The following TLR4 variants were observed in gnomAD, a reference collection of about 807,000 sequenced individuals.
TLR4 encodes toll-like receptor 4.
A neutral mutation model predicts 27.4 loss-of-function variants in TLR4; 17 were observed. The ratio of observed to expected loss-of-function variants is 0.62; its 90% CI spans 0.42 to 0.93. The LOEUF (loss-of-function observed/expected upper bound fraction) is 0.93. TLR4 is among the 40% of genes least tolerant of loss of function. The pLI, the probability that TLR4 is intolerant of heterozygous loss-of-function variation, is 0.00. For missense variants in TLR4, 926 were observed against 962.3 expected (o/e 0.96, Z 0.50); for synonymous variants, 363 against 365.7 (o/e 0.99, Z 0.08).
At position 117,712,551 on chromosome 9, in the gene TLR4, A is replaced by G; in HGVS notation, c.423A>G (p.Leu141=). The G allele has an allele frequency of 6.2e-7, 1 of 1,614,022 alleles. No individual in the cohort carries two copies. Among genetic ancestry groups the G allele is most frequent in the Non-Finnish European group, 8.5e-7 (1 of 1,179,946 alleles). Residue 141 remains leucine (L), a synonymous_variant, in exon 3 of 3, where the codon CTA becomes CTG. Coordinates refer to ENST00000355622, the MANE Select transcript of TLR4 (RefSeq NM_138554.5). The part of the protein sequence containing the change: ...LVAVETNLAS[L]ENFPIGHLKT... ...CTGTGGAGACAAATCTAGCATCTCT[A>G]GAGAACTTCCCCATTGGACATCTCA...
intron 1 of TLR4, among the ~76,000 whole-genome samples, chr9:117,705,406 T>A (rs915805577): frequency 1.3e-5 from 2 of 152,206 alleles, no homozygotes; most frequent in Admixed American, 1.3e-4. Context: ...AAGTAATATT[T>A]AGCAAAGACT....
Position 117,714,630 on chromosome 9 carries a change from G to A in TLR4, c.2502G>A (p.Gln834=), listed in dbSNP as rs1418645577. The change falls in exon 3 of 3, where the codon CAG becomes CAA. Residue 834 remains glutamine, a synonymous_variant. Coordinates refer to ENST00000355622, the MANE Select transcript of TLR4 (RefSeq NM_138554.5). The part of the protein sequence containing the change: ...EGTVGTGCNW[Q]EATSI ...CAGTGGGTACAGGATGCAATTGGCA[G>A]GAAGCAACATCTATCTGAAGAGGAA... 6.2e-7 allele frequency: 1 copy of A among 1,612,982 alleles called. No homozygotes were observed. Among genetic ancestry groups the A allele is most frequent in the East Asian group, 2.2e-5 (1 of 44,886 alleles).
chr9:117,704,532 C>CG lies in TLR4; in HGVS notation c.61dup (p.Val21GlyfsTer15). 6.2e-7 allele frequency: 1 copy of CG among 1,613,872 alleles called. No homozygotes were observed. The highest frequency in any genetic ancestry group is 8.5e-7 in the Non-Finnish European group (1 of 1,179,948). ...TCCCAGCCATGGCCTTCCTCTCCTG[C>CG]GTGAGACCAGAAAGCTGGGAGCCCT... On this transcript the variant is annotated frameshift_variant, in exon 1 of 3. Transcript: ENST00000355622. LOFTEE classifies it high-confidence loss of function.
chr9:117,713,892 G>C lies in TLR4; in HGVS notation c.1764G>C (p.Gln588His). The C allele has an allele frequency of 1.9e-6, 3 of 1,614,036 alleles. No homozygotes were observed. The highest frequency in any genetic ancestry group is 8.5e-7 in the Non-Finnish European group (1 of 1,180,020). The change falls in exon 3 of 3, where the codon CAG (glutamine) becomes CAC (histidine). Residue 588 changes from glutamine (Q) to histidine (H), a missense_variant. Gln to His is a conservative substitution (Grantham distance 24). Transcript: ENST00000355622. ...ACTTTGCTTGTACTTGTGAACACCA[G>C]AGTTTCCTGCAATGGATCAAGGACC... ...QNDFACTCEHQSFLQWIKDQR... is the reference protein window; with the variant it reads ...QNDFACTCEHHSFLQWIKDQR...
rs141042980 is a variant in TLR4 at position 117,720,667 on chromosome 9, A to G, written c.*6019A>G. The stretch of plus-strand genomic sequence containing the variant: ...TATGCTCCTAGGAAACTATCTCACT[A>G]TGTAATTAAATCAAAACCAGCCAGT... On this transcript the variant is annotated 3_prime_UTR_variant, in exon 3 of 3. Transcript: ENST00000355622. The G allele has an allele frequency of 5.3e-5, 8 of 152,336 alleles. No homozygotes were observed. In the East Asian group the frequency reaches 7.7e-4, roughly 15 times the overall value. 9.4% of individuals were successfully genotyped at this position (152,336 alleles called of 1,614,324 possible).
intron 1 of TLR4, among the ~76,000 whole-genome samples, chr9:117,705,029 A>G (rs1829113411): frequency 6.6e-6 from 1 of 152,176 alleles, no homozygotes; most frequent in African/African-American, 2.4e-5. Context: ...GTGTGTCTCT[A>G]GAGAAAGAAC....
rs760897248 is a variant in TLR4 at position 117,718,401 on chromosome 9, C to A, written c.*3753C>A. On this transcript the variant is annotated 3_prime_UTR_variant, in exon 3 of 3. Coordinates refer to ENST00000355622, the MANE Select transcript of TLR4 (RefSeq NM_138554.5). ...TACATACCAAATGATTTATTTATAA[C>A]CCTATCTTTCCATAAAGGACTTGAA... 2.6e-5 allele frequency: 4 copies of A among 152,006 alleles called. No homozygotes were observed. Among genetic ancestry groups the A allele is most frequent in the Admixed American group, 6.6e-5 (1 of 15,232 alleles). 9.4% of individuals were successfully genotyped at this position (152,006 alleles called of 1,614,324 possible).
chr9:117,712,874 G>A lies in TLR4; in HGVS notation c.746G>A (p.Gly249Asp). 6.2e-7 allele frequency: 1 copy of A among 1,614,024 alleles called. No individual in the cohort carries two copies. Among genetic ancestry groups the A allele is most frequent in the Non-Finnish European group, 8.5e-7 (1 of 1,179,972 alleles). The change falls in exon 3 of 3, where the codon GGT (glycine) becomes GAT (aspartate). Residue 249 changes from glycine to aspartate, a missense_variant. Transcript: ENST00000355622. ...AATGTAATGAAAACTTGTATTCAAG[G>A]TCTGGCTGGTTTAGAAGTCCATCGT... is the stretch of plus-strand genomic sequence containing the variant. Reference protein sequence around the residue: ...SLNVMKTCIQGLAGLEVHRLV... With the variant: ...SLNVMKTCIQDLAGLEVHRLV...
chr9:117,713,988 G>C lies in TLR4; in HGVS notation c.1860G>C (p.Val620=). Residue 620 remains valine, a synonymous_variant, in exon 3 of 3, where the codon GTG becomes GTC. Coordinates refer to ENST00000355622, the MANE Select transcript of TLR4 (RefSeq NM_138554.5). ...ATPSDKQGMP[V]LSLNITCQMN... is the part of the protein sequence containing the mutation. ...CTTCAGATAAGCAGGGCATGCCTGT[G>C]CTGAGTTTGAATATCACCTGTCAGA... 6.2e-7 allele frequency: 1 copy of C among 1,613,984 alleles called. No individual in the cohort carries two copies. The highest frequency in any genetic ancestry group is 8.5e-7 in the Non-Finnish European group (1 of 1,179,984).
At chr9:117,709,573 C>T (rs561971558) in intron 2 of TLR4, among the ~76,000 whole-genome samples, 1 of 152,130 alleles carries the variant, frequency 6.6e-6, no homozygotes, top group Admixed American at 6.6e-5. Flanking sequence ...GGGTTTTCAT[C>T]ATCGGGGCCT....
Position 117,713,504 on chromosome 9 carries a change from C to G in TLR4, c.1376C>G (p.Thr459Ser). The G allele has an allele frequency of 6.2e-7, 1 of 1,614,126 alleles. No homozygotes were observed. The highest frequency in any genetic ancestry group is 8.5e-7 in the Non-Finnish European group (1 of 1,180,018). Residue 459 changes from threonine (T) to serine (S), a missense_variant, in exon 3 of 3, where the codon ACC (threonine) becomes AGC (serine). By Grantham distance (58) the Thr-to-Ser change is moderately conservative. Coordinates refer to ENST00000355622, the MANE Select transcript of TLR4 (RefSeq NM_138554.5). Reference protein sequence around the residue: ...LIYLDISHTHTRVAFNGIFNG... With the variant: ...LIYLDISHTHSRVAFNGIFNG... ...TACCTTGACATTTCTCATACTCACA[C>G]CAGAGTTGCTTTCAATGGCATCTTC...
At position 117,712,902 on chromosome 9, in the gene TLR4, G is replaced by A. The variant is rs200527106; in HGVS notation, c.774G>A (p.Leu258=). 3 of 1,614,062 alleles carry A rather than the reference G, an allele frequency of 1.9e-6. No individual in the cohort carries two copies. Among genetic ancestry groups the A allele is most frequent in the African/African-American group, 1.3e-5 (1 of 75,034 alleles). ...TGGCTGGTTTAGAAGTCCATCGTTT[G>A]GTTCTGGGAGAATTTAGAAATGAAG... ...QGLAGLEVHR[L]VLGEFRNEGN... The change falls in exon 3 of 3, where the codon TTG becomes TTA. Residue 258 remains leucine, a synonymous_variant. Coordinates refer to ENST00000355622, the MANE Select transcript of TLR4 (RefSeq NM_138554.5).
chr9:117,722,772 T>A lies in TLR4; in HGVS notation c.*8124T>A, dbSNP rs559877084. ...ATGGGACATTTAGGTCAGATCAGCA[T>A]TTTCAAAAGTGTGACATGTTAGTAA... On this transcript the variant is annotated 3_prime_UTR_variant, in exon 3 of 3. Coordinates refer to ENST00000355622, the MANE Select transcript of TLR4 (RefSeq NM_138554.5). 6.6e-6 allele frequency: 1 copy of A among 152,308 alleles called. No homozygotes were observed. Among genetic ancestry groups the A allele is most frequent in the East Asian group, 1.9e-4 (1 of 5,174 alleles). 9.4% of individuals were successfully genotyped at this position (152,308 alleles called of 1,614,324 possible).
rs1829427520 is a variant in TLR4 at position 117,721,947 on chromosome 9, A to T, written c.*7299A>T. 6.6e-6 allele frequency: 1 copy of T among 152,158 alleles called. No homozygotes were observed. 9.4% of individuals were successfully genotyped at this position (152,158 alleles called of 1,614,324 possible). A position where few individuals can be genotyped will look rare whatever the true frequency, so the allele number is the denominator to read the frequency against. On this transcript the variant is annotated 3_prime_UTR_variant, in exon 3 of 3. Coordinates refer to ENST00000355622, the MANE Select transcript of TLR4 (RefSeq NM_138554.5). ...TGGGATACTAGGATTGGCCTATTTG[A>T]TGGTGAGCTCACTACATCCATTTAG...
At position 117,714,462 on chromosome 9, in the gene TLR4, G is replaced by C. The variant is rs771009203; in HGVS notation, c.2334G>C (p.Leu778=). The part of the protein sequence containing the change: ...FIVLQKVEKT[L]LRQQVELYRL... ...TCCTGCAGAAGGTGGAGAAGACCCT[G>C]CTCAGGCAGCAGGTGGAGCTGTACC... is the stretch of plus-strand genomic sequence containing the variant. Residue 778 remains leucine, a synonymous_variant, in exon 3 of 3, where the codon CTG becomes CTC. Coordinates refer to ENST00000355622, the MANE Select transcript of TLR4 (RefSeq NM_138554.5). The C allele has an allele frequency of 6.2e-7, 1 of 1,613,886 alleles. No homozygotes were observed. The highest frequency in any genetic ancestry group is 8.5e-7 in the Non-Finnish European group (1 of 1,180,006).
In TLR4 at chr9:117,714,938, CAG is replaced by C. The variant is rs55795310; in HGVS notation, c.*294_*295del. 2.1e-4 allele frequency: 92 copies of C among 447,788 alleles called. 1 individual carries two copies. The South Asian group carries it at 2.2e-3, about 11-fold the overall frequency. The allele number at this position is 447,788 out of a possible 1,614,324, so 27.7% of individuals were successfully genotyped here. ...CTTACCTCATCAAGTTGAATAAAGA[CAG>C]AGAAAACAGAAAGAGACATTGTTCT... On this transcript the variant is annotated 3_prime_UTR_variant, in exon 3 of 3. Coordinates refer to ENST00000355622, the MANE Select transcript of TLR4 (RefSeq NM_138554.5).
chr9:117,704,711 T>A, intron 1 of TLR4, 146 bp downstream of exon 1: 1 of 783,924 alleles, frequency 1.3e-6, no homozygotes, highest in Non-Finnish European at 2.1e-6. Flanking sequence ...ATCAAATAAT[T>A]CATTGTTACA....
At chr9:117,707,642 C>T (rs1431207658) in intron 1 of TLR4, among the ~76,000 whole-genome samples, 3 of 152,136 alleles carry the variant, frequency 2.0e-5, no homozygotes, top group African/African-American at 7.2e-5. Context: ...GGAAAGTAGG[C>T]TAGAAAGCAG....
rs889885566 is a variant in TLR4 at position 117,717,618 on chromosome 9, G to A, written c.*2970G>A. 2 of 152,114 alleles carry A rather than the reference G, an allele frequency of 1.3e-5. No individual in the cohort carries two copies. The highest frequency in any genetic ancestry group is 2.9e-5 in the Non-Finnish European group (2 of 68,008). 9.4% of individuals were successfully genotyped at this position (152,114 alleles called of 1,614,324 possible). A position where few individuals can be genotyped will look rare whatever the true frequency, so the allele number is the denominator to read the frequency against. ...TGTTTATCTACAGATGTATGCCTCAGTTTCTTAGTATGCTTGAAAATGTAT... is the reference window on the plus strand; with the variant it reads ...TGTTTATCTACAGATGTATGCCTCAATTTCTTAGTATGCTTGAAAATGTAT... On this transcript the variant is annotated 3_prime_UTR_variant, in exon 3 of 3. Transcript: ENST00000355622.
Sources: allele counts gnomAD v4.1 joint callset (sites outside exome capture counted in the v4.1 genomes callset), GRCh38; gene constraint gnomAD v4.1.1; transcripts MANE v1.5; gene names NCBI Gene and HGNC (gene_info 2026-07-23, HGNC 2026-07-21).